The following COMMD1 variants were observed in gnomAD, a reference collection of about 807,000 sequenced individuals.
The protein encoded by COMMD1 is COMM domain-containing protein 1.
Under a neutral mutation model 17.2 loss-of-function variants are expected in COMMD1, and 10 were observed. The ratio of observed to expected loss-of-function variants is 0.58; its 90% CI spans 0.36 to 0.99. The LOEUF is 0.99. Ranked by LOEUF, COMMD1 falls within the 50% of genes least tolerant of loss-of-function variation. The pLI is 0.01. For synonymous variants in COMMD1, 97 were observed against 91.6 expected, an observed-to-expected ratio of 1.06 and a Z score of -0.34; for missense variants, 270 against 231.8, an observed-to-expected ratio of 1.17 and a Z score of -1.07.
At chr2:62,111,752 A>G (rs1168550382) in intron 2 of COMMD1, among the ~76,000 whole-genome samples, 3 of 152,214 alleles carry the variant, frequency 2.0e-5, no homozygotes, top group Non-Finnish European at 2.9e-5. Context: ...GGGGCCATCC[A>G]GTCTTTTAGT....
intron 2 of COMMD1, among the ~76,000 whole-genome samples, chr2:62,029,612 A>G (rs1464316445): frequency 1.3e-5 from 2 of 152,224 alleles, no homozygotes; most frequent in East Asian, 1.9e-4. Context: ...CTTTACATAT[A>G]TAACCATGAT....
intron 2 of COMMD1, among the ~76,000 whole-genome samples, chr2:62,126,082 C>T (rs931467358): frequency 3.9e-5 from 6 of 152,144 alleles, no homozygotes; most frequent in Admixed American, 6.5e-5. Flanking sequence ...CATCTGTGTA[C>T]CCTGCAAAGG....
chr2:61,912,732 T>G (rs1181901870), intron 1 of COMMD1, among the ~76,000 whole-genome samples: 2 of 134,834 alleles, frequency 1.5e-5, no homozygotes, highest in Non-Finnish European at 3.2e-5. Context: ...AGACTCCATC[T>G]CAAAAAAAAA....
intron 2 of COMMD1, among the ~76,000 whole-genome samples, chr2:62,064,157 T>G (rs1048408592): frequency 3.3e-5 from 5 of 151,778 alleles, no homozygotes; most frequent in African/African-American, 4.8e-5. Flanking sequence ...ACATAGTAGA[T>G]TTTTTATTCT....
At chr2:62,080,705 C>G (rs921174890) in intron 2 of COMMD1, among the ~76,000 whole-genome samples, 2 of 151,690 alleles carry the variant, frequency 1.3e-5, no homozygotes, top group Non-Finnish European at 2.9e-5. Context: ...CCATTTCTAC[C>G]AATATTAGTA....
intron 1 of COMMD1, among the ~76,000 whole-genome samples, chr2:61,953,229 C>T (rs184757507): frequency 1.9e-3 from 293 of 152,130 alleles, no homozygotes; most frequent in African/African-American, 5.5e-3. Flanking sequence ...AGGCTGATCT[C>T]GAACTCCTGA....
chr2:62,059,426 G>C (rs913298538), intron 2 of COMMD1, among the ~76,000 whole-genome samples: 2 of 152,174 alleles, frequency 1.3e-5, no homozygotes, highest in South Asian at 4.1e-4. Flanking sequence ...AAGGTGCTGG[G>C]TTTACAGTCA....
chr2:62,010,490 A>G lies in COMMD1; in HGVS notation c.462+9508A>G, dbSNP rs75814669. Among the ~76,000 whole-genome samples the G allele has an allele frequency of 8.4e-3, 1,279 of 152,214 alleles. 5 individuals are homozygous for G. Among genetic ancestry groups the G allele is most frequent in the Non-Finnish European group, 0.014 (935 of 68,010 alleles). ...TAATGACTCCCAAATGTATATCTCC[A>G]AACTGGATTTCTCCCCTAAATTTCA... is the stretch of plus-strand genomic sequence containing the variant. On this transcript the variant is annotated intron_variant, in intron 2 of 2. Coordinates refer to ENST00000311832, the MANE Select transcript of COMMD1 (RefSeq NM_152516.4).
chr2:62,128,578 C>A (rs771255426), intron 2 of COMMD1, among the ~76,000 whole-genome samples: 4 of 152,114 alleles, frequency 2.6e-5, no homozygotes, highest in Non-Finnish European at 4.4e-5. Flanking sequence ...TCTTCCTCCT[C>A]CTTCTCCTAC....
intron 2 of COMMD1, among the ~76,000 whole-genome samples, chr2:62,002,707 A>T (rs1044843106): frequency 6.8e-6 from 1 of 146,092 alleles, no homozygotes; most frequent in Non-Finnish European, 1.5e-5. Flanking sequence ...ACAACAACAA[A>T]TTGCCGGGCA....
In COMMD1 at chr2:62,120,384, A is replaced by G. The variant is rs559744210; in HGVS notation, c.463-15447A>G. The stretch of plus-strand genomic sequence containing the variant: ...GTTTGTTTATCAAATTTGTTTGCAA[A>G]TGAGTTGTTGCAAATGGAATGAACC... On this transcript the variant is annotated intron_variant, in intron 2 of 2. Transcript: ENST00000311832. Among the ~76,000 whole-genome samples the G allele has an allele frequency of 1.4e-4, 21 of 151,994 alleles. 1 individual carries two copies. The South Asian group carries it at 2.3e-3, about 17-fold the overall frequency.
rs116483045 is a variant in COMMD1 at position 61,926,581 on chromosome 2, A to T, written c.180+20723A>T. The stretch of plus-strand genomic sequence containing the variant: ...TTGCCAAATCAATAGCTATAATATC[A>T]TAACCCCATGTCATAGCCTCATTTC... On this transcript the variant is annotated intron_variant, in intron 1 of 2. Coordinates refer to ENST00000311832, the MANE Select transcript of COMMD1 (RefSeq NM_152516.4). Among the ~76,000 whole-genome samples the T allele has an allele frequency of 2.5e-3, 377 of 152,308 alleles. 1 individual carries two copies. Among genetic ancestry groups the T allele is most frequent in the Non-Finnish European group, 4.2e-3 (287 of 68,034 alleles).
At chr2:61,933,533 G>C (rs1300210503) in intron 1 of COMMD1, among the ~76,000 whole-genome samples, 1 of 151,970 alleles carries the variant, frequency 6.6e-6, no homozygotes, top group Non-Finnish European at 1.5e-5. Flanking sequence ...GGTGAGCCAT[G>C]ATGGGCCTGG....
intron 1 of COMMD1, among the ~76,000 whole-genome samples, chr2:61,923,813 T>G (rs1670256797): frequency 6.6e-6 from 1 of 152,198 alleles, no homozygotes; most frequent in African/African-American, 2.4e-5. Flanking sequence ...CTGGCTCTAT[T>G]GCCCAGGCTG....
At position 61,895,567 on chromosome 2, in the gene COMMD1, C is replaced by G. The variant is rs181748148; in HGVS notation, n.119+6725C>G. Among the ~76,000 whole-genome samples, 15 of 152,284 alleles carry G rather than the reference C, an allele frequency of 9.9e-5. No individual in the cohort carries two copies. In the East Asian group the frequency reaches 2.9e-3, roughly 29 times the overall value. Reference sequence around the variant, plus strand: ...TTTCATAGCAGACCCTGCAACAGCTCTAAGTCTCAGCCCCAGCCCTCCTCT... The same window carrying G: ...TTTCATAGCAGACCCTGCAACAGCTGTAAGTCTCAGCCCCAGCCCTCCTCT... On this transcript the variant is annotated intron_variant and non_coding_transcript_variant, in intron 1 of 2. Transcript: ENST00000472729.
chr2:62,063,767 T>TTAAATGAAA (rs1670942357), intron 2 of COMMD1, among the ~76,000 whole-genome samples: 1 of 150,874 alleles, frequency 6.6e-6, no homozygotes, highest in Admixed American at 6.6e-5. Flanking sequence ...AGTGATTATA[T>TTAAATGAAA]TTTCATTTCA....
intron 2 of COMMD1, among the ~76,000 whole-genome samples, chr2:62,008,533 C>T (rs1297185996): frequency 6.6e-6 from 1 of 152,150 alleles, no homozygotes; most frequent in Non-Finnish European, 1.5e-5. Flanking sequence ...CTCCAAATAG[C>T]TACCGAGGGG....
intron 2 of COMMD1, among the ~76,000 whole-genome samples, chr2:62,048,182 CTTTTTTT>C (rs67195629): frequency 7.9e-6 from 1 of 127,252 alleles, no homozygotes; most frequent in Non-Finnish European, 1.6e-5. Flanking sequence ...AACTAAATTT[CTTTTTTT>C]TTTTTTTTTT....
chr2:62,100,252 C>T (rs1425855552), intron 2 of COMMD1: 1 of 152,198 alleles, frequency 6.6e-6, no homozygotes. Context: ...AGTACCTTAG[C>T]TAGGGTTTTA....
Sources: allele counts gnomAD v4.1 joint callset (sites outside exome capture counted in the v4.1 genomes callset), GRCh38; gene constraint gnomAD v4.1.1; transcripts MANE v1.5; gene names NCBI Gene and HGNC (gene_info 2026-07-23, HGNC 2026-07-21).